Variants in XPO7 observed in about 807,000 individuals in gnomAD.
The protein encoded by XPO7 is exportin 7.
In XPO7, 21 loss-of-function variants were observed where a neutral mutation model predicts 144.3. That is an observed-to-expected ratio of 0.15 (90% confidence interval 0.10 to 0.21). The LOEUF (loss-of-function observed/expected upper bound fraction) is 0.21. XPO7 is among the 10% of genes least tolerant of loss of function. The pLI is 1.00. For missense variants in XPO7, 808 were observed against 1,325.8 expected (o/e 0.61, Z 6.06); for synonymous variants, 580 against 499.6 (o/e 1.16, Z -2.15).
At chr8:21,974,600 A>AGGAG in intron 5 of XPO7, 70 bp from the exon 6 acceptor site, 1 of 1,026,300 alleles carries the variant, frequency 9.7e-7, no homozygotes, top group Non-Finnish European at 1.4e-6. Flanking sequence ...TCTAGCTTAT[A>AGGAG]GGAAGTCTAC....
chr8:21,932,621 CT>C (rs1810688797), intron 1 of XPO7, among the ~76,000 whole-genome samples: 1 of 151,546 alleles, frequency 6.6e-6, no homozygotes, highest in African/African-American at 2.4e-5. Context: ...GGCCAAAAAG[CT>C]TTCTTTTGAA....
At chr8:21,980,346 C>A in intron 9 of XPO7, 143 bp downstream of exon 9, 3 of 1,078,484 alleles carry the variant, frequency 2.8e-6, no homozygotes, top group Non-Finnish European at 3.8e-6. Context: ...ATTTGTAGGC[C>A]AATTCTGAGA....
At chr8:21,961,467 C>G (rs1811723894) in intron 1 of XPO7, among the ~76,000 whole-genome samples, 1 of 152,118 alleles carries the variant, frequency 6.6e-6, no homozygotes, top group Non-Finnish European at 1.5e-5. Flanking sequence ...CCTCCCACCT[C>G]AGCCTCCTGA....
At chr8:21,931,619 ATT>A (rs1280452843) in intron 1 of XPO7, among the ~76,000 whole-genome samples, 1 of 152,228 alleles carries the variant, frequency 6.6e-6, no homozygotes, top group Non-Finnish European at 1.5e-5. Flanking sequence ...ATTGGCATGC[ATT>A]TAATGCAAGA....
intron 1 of XPO7, among the ~76,000 whole-genome samples, chr8:21,945,969 G>A (rs1811177290): frequency 6.6e-6 from 1 of 152,182 alleles, no homozygotes; most frequent in Admixed American, 6.5e-5. Flanking sequence ...AGATGAGGAA[G>A]CCAAAGCTGA....
intron 1 of XPO7, among the ~76,000 whole-genome samples, chr8:21,924,178 A>G (rs774208409): frequency 1.3e-5 from 2 of 152,150 alleles, no homozygotes; most frequent in Non-Finnish European, 1.5e-5. Context: ...GTTCTTTACC[A>G]ATGGGCCTCT....
At chr8:21,992,544 G>GT (rs2117385509) in intron 19 of XPO7, among the ~76,000 whole-genome samples, 1 of 152,002 alleles carries the variant, frequency 6.6e-6, no homozygotes, top group Non-Finnish European at 1.5e-5. Flanking sequence ...ACATATATGG[G>GT]TTTTTATTTT....
chr8:21,966,369 C>G (rs1811884712), intron 1 of XPO7: 3 of 771,934 alleles, frequency 3.9e-6, no homozygotes, highest in Non-Finnish European at 7.2e-6. Context: ...AGGTGACCAT[C>G]TTTACGCATA....
intron 9 of XPO7, among the ~76,000 whole-genome samples, chr8:21,980,699 C>T (rs558075617): frequency 1.8e-4 from 27 of 151,102 alleles, no homozygotes; most frequent in South Asian, 6.3e-4. Context: ...CGCTTGAACC[C>T]GGGAGGCAGA....
chr8:21,977,376 C>A lies in XPO7; in HGVS notation c.764-394C>A, dbSNP rs533530948. Among the ~76,000 whole-genome samples the A allele has an allele frequency of 7.2e-5, 11 of 152,184 alleles. No homozygotes were observed. In the East Asian group the frequency reaches 1.9e-3, roughly 27 times the overall value. On this transcript the variant is annotated intron_variant, in intron 7 of 27. Coordinates refer to ENST00000252512, the MANE Select transcript of XPO7 (RefSeq NM_015024.5). ...CAGGCAGATCACTATGTCAGGAGTT[C>A]AAGACCAGCCTGGCGAACATGGTGA...
At chr8:21,925,290 T>G (rs1486444078) in intron 1 of XPO7, among the ~76,000 whole-genome samples, 2 of 152,316 alleles carry the variant, frequency 1.3e-5, no homozygotes, top group African/African-American at 2.4e-5. Context: ...CCTTCGCACA[T>G]GTGTGCATGC....
At chr8:21,940,654 A>G (rs1000628630) in intron 1 of XPO7, among the ~76,000 whole-genome samples, 1 of 152,022 alleles carries the variant, frequency 6.6e-6, no homozygotes, top group Admixed American at 6.6e-5. Flanking sequence ...TTTTTAGTAG[A>G]GATGGGGTTT....
At chr8:22,002,342 G>C in intron 25 of XPO7, 70 bp downstream of exon 25, 2 of 1,536,086 alleles carry the variant, frequency 1.3e-6, no homozygotes, top group Non-Finnish European at 1.8e-6. Context: ...CAAGACAGGG[G>C]AGCCCACACA....
At chr8:21,965,215 A>G (rs1205479968) in intron 1 of XPO7, among the ~76,000 whole-genome samples, 1 of 151,944 alleles carries the variant, frequency 6.6e-6, no homozygotes, top group Non-Finnish European at 1.5e-5. Flanking sequence ...AAACCTTGTG[A>G]AGGAGATTTA....
chr8:21,990,193 T>A, intron 16 of XPO7, 151 bp from the exon 17 acceptor site: 1 of 726,900 alleles, frequency 1.4e-6, no homozygotes. Flanking sequence ...TAGAAGAGAA[T>A]GCATTTTTTC....
chr8:21,998,815 C>A lies in XPO7; in HGVS notation c.2406C>A (p.Thr802=). 1.2e-6 allele frequency: 2 copies of A among 1,613,968 alleles called. No homozygotes were observed. The highest frequency in any genetic ancestry group is 1.7e-6 in the Non-Finnish European group (2 of 1,179,880). ...ATGGCATCTTACTCTTCCGAGAAAC[C>A]AGCAAGATGATAACAATGTATGGTA... is the stretch of plus-strand genomic sequence containing the variant. ...SPNGILLFRE[T]SKMITMYGNR... The change falls in exon 22 of 28, where the codon ACC becomes ACA. Residue 802 remains threonine (T), a synonymous_variant. Coordinates refer to ENST00000252512, the MANE Select transcript of XPO7 (RefSeq NM_015024.5).
intron 24 of XPO7, among the ~76,000 whole-genome samples, chr8:22,000,471 T>C (rs1813102778): frequency 6.6e-6 from 1 of 151,232 alleles, no homozygotes; most frequent in South Asian, 2.1e-4. Context: ...TTTTTTTTTT[T>C]TGAGACGGAG....
chr8:21,926,535 C>CA (rs977566728), intron 1 of XPO7, among the ~76,000 whole-genome samples: 1 of 151,610 alleles, frequency 6.6e-6, no homozygotes, highest in Non-Finnish European at 1.5e-5. Context: ...ATGAGTTTGG[C>CA]AAAAATTATT....
At chr8:21,999,901 C>G (rs1283047874) in intron 24 of XPO7, among the ~76,000 whole-genome samples, 1 of 152,182 alleles carries the variant, frequency 6.6e-6, no homozygotes, top group Non-Finnish European at 1.5e-5. Context: ...CGGTAATTAA[C>G]AGCATATAGT....
Sources: gnomAD v4.1 joint callset for allele counts (sites outside exome capture counted in the v4.1 genomes callset) on GRCh38, gnomAD v4.1.1 for gene constraint, MANE v1.5 for transcripts, NCBI Gene and HGNC (gene_info 2026-07-23, HGNC 2026-07-21) for gene names.